SHC3: variants seen among roughly 807,000 people sequenced by gnomAD.
The protein encoded by SHC3 is SHC adaptor protein 3, also known as SHC-transforming protein 3.
In SHC3, 15 loss-of-function variants were observed where a neutral mutation model predicts 60.4. The observed-to-expected ratio is 0.25, with a 90% CI of 0.17 to 0.38. The LOEUF is 0.38. Among genes scored for constraint, SHC3 ranks in the 10% least tolerant of loss-of-function variants. The pLI is 1.00. For missense variants in SHC3, 677 were observed against 786.1 expected (o/e 0.86, Z 1.66); for synonymous variants, 294 against 325.9 (o/e 0.90, Z 1.05).
At chr9:89,066,258 C>A (rs1285502431) in intron 5 of SHC3, among the ~76,000 whole-genome samples, 1 of 152,190 alleles carries the variant, frequency 6.6e-6, no homozygotes, top group Non-Finnish European at 1.5e-5. Flanking sequence ...CTCTGGGGGC[C>A]ACACTTTGAG....
intron 4 of SHC3, 137 bp from the exon 5 acceptor site, chr9:89,071,389 T>A: frequency 1.3e-6 from 1 of 793,678 alleles, no homozygotes; most frequent in Non-Finnish European, 2.0e-6. Context: ...ATAATGATTA[T>A]AAAAGTAATA....
At chr9:89,153,200 C>A (rs1826568837) in intron 1 of SHC3, among the ~76,000 whole-genome samples, 1 of 152,178 alleles carries the variant, frequency 6.6e-6, no homozygotes, top group Non-Finnish European at 1.5e-5. Flanking sequence ...CTAACACTCA[C>A]CTTTTCCTAG....
intron 1 of SHC3, among the ~76,000 whole-genome samples, chr9:89,149,056 G>A (rs1452229695): frequency 6.6e-6 from 1 of 152,186 alleles, no homozygotes; most frequent in Non-Finnish European, 1.5e-5. Flanking sequence ...CTGAAGAATG[G>A]AATATGGTGA....
chr9:89,124,327 C>A (rs996781828), intron 1 of SHC3, among the ~76,000 whole-genome samples: 1 of 152,138 alleles, frequency 6.6e-6, no homozygotes, highest in Non-Finnish European at 1.5e-5. Flanking sequence ...ACCCAGCAAT[C>A]CCATTACTGA....
chr9:89,122,604 A>G (rs1826106967), intron 1 of SHC3, among the ~76,000 whole-genome samples: 1 of 152,252 alleles, frequency 6.6e-6, no homozygotes, highest in Non-Finnish European at 1.5e-5. Context: ...ATGCAAACTT[A>G]GATTCTCCAA....
chr9:89,024,223 C>A (rs141534551), intron 11 of SHC3, among the ~76,000 whole-genome samples: 20 of 152,320 alleles, frequency 1.3e-4, no homozygotes, highest in African/African-American at 4.8e-4. Flanking sequence ...AGCCCTTTCT[C>A]TCCTGGGTGC....
intron 1 of SHC3, among the ~76,000 whole-genome samples, chr9:89,162,651 C>T (rs1255322660): frequency 1.3e-5 from 2 of 151,056 alleles, no homozygotes; most frequent in African/African-American, 4.9e-5. Flanking sequence ...TAGAAGAAAA[C>T]CTAGGCATTA....
chr9:89,059,089 G>A, intron 6 of SHC3, among the ~76,000 whole-genome samples: 1 of 143,704 alleles, frequency 7.0e-6, no homozygotes, highest in Non-Finnish European at 1.5e-5. Flanking sequence ...ACGTGATGGA[G>A]GATGGTGGTG....
intron 2 of SHC3, among the ~76,000 whole-genome samples, chr9:89,105,256 C>T (rs1444845145): frequency 2.0e-5 from 3 of 152,194 alleles, no homozygotes; most frequent in South Asian, 4.1e-4. Flanking sequence ...AGTATAACTG[C>T]TACTCCTGAC....
At chr9:89,051,264 T>A (rs1824857370) in intron 7 of SHC3, among the ~76,000 whole-genome samples, 1 of 152,216 alleles carries the variant, frequency 6.6e-6, no homozygotes, top group Non-Finnish European at 1.5e-5. Flanking sequence ...TAGATTTTCA[T>A]TATGCAAGTT....
At chr9:89,043,620 C>G (rs978193509) in intron 9 of SHC3, among the ~76,000 whole-genome samples, 1 of 151,378 alleles carries the variant, frequency 6.6e-6, no homozygotes, top group African/African-American at 2.4e-5. Context: ...AAGTGACATT[C>G]TAATTTGTTA....
intron 2 of SHC3, among the ~76,000 whole-genome samples, chr9:89,094,823 C>T (rs967993510): frequency 2.6e-5 from 4 of 151,994 alleles, no homozygotes; most frequent in Non-Finnish European, 4.4e-5. Flanking sequence ...ACTTGCATGC[C>T]CAGGGACTTT....
At chr9:89,134,162 T>C (rs1445824326) in intron 1 of SHC3, among the ~76,000 whole-genome samples, 1 of 152,064 alleles carries the variant, frequency 6.6e-6, no homozygotes, top group Non-Finnish European at 1.5e-5. Context: ...AGTTCTACAA[T>C]ATGCAAGGAG....
intron 11 of SHC3, among the ~76,000 whole-genome samples, chr9:89,017,952 C>T (rs1304253406): frequency 1.3e-5 from 2 of 152,122 alleles, no homozygotes; most frequent in African/African-American, 2.4e-5. Context: ...TACTATCTCA[C>T]GCCAGTTAGA....
At chr9:89,098,921 G>A (rs111534187) in intron 2 of SHC3, among the ~76,000 whole-genome samples, 10,102 of 152,150 alleles carry the variant, frequency 0.066, 465 homozygotes, top group Middle Eastern at 0.12. Flanking sequence ...GCAGTGAGCC[G>A]ACATTGTGCC....
At chr9:89,088,732 G>C (rs781006532) in intron 2 of SHC3, 1 of 152,412 alleles carries the variant, frequency 6.6e-6, no homozygotes, top group Non-Finnish European at 1.5e-5. Flanking sequence ...ACCAGAGGGA[G>C]AGGGGCCTGC....
At chr9:89,158,678 C>T (rs777735792) in intron 1 of SHC3, among the ~76,000 whole-genome samples, 2 of 152,180 alleles carry the variant, frequency 1.3e-5, no homozygotes, top group African/African-American at 2.4e-5. Flanking sequence ...TATATACATG[C>T]TTTCTTGTGA....
At chr9:89,104,208 G>A (rs1054794299) in intron 2 of SHC3, among the ~76,000 whole-genome samples, 6 of 152,138 alleles carry the variant, frequency 3.9e-5, no homozygotes, top group Admixed American at 3.9e-4. Context: ...CAAAGCTGTG[G>A]TTTCATAGAT....
In SHC3 at chr9:89,165,384, C is replaced by T. The variant is rs547343938; in HGVS notation, c.474+12603G>A. Among the ~76,000 whole-genome samples the T allele has an allele frequency of 7.2e-5, 11 of 152,116 alleles. 1 individual carries two copies. In the South Asian group the frequency reaches 2.3e-3, roughly 32 times the overall value. On this transcript the variant is annotated intron_variant, in intron 1 of 11. Transcript: ENST00000375835. ...TGTCAGGAAGAGAACTGAGAGGAAACTTTCACTTTTCACCCCAAACATTTG... is the reference window on the plus strand; with the variant it reads ...TGTCAGGAAGAGAACTGAGAGGAAATTTTCACTTTTCACCCCAAACATTTG...
Sources: allele counts gnomAD v4.1 joint callset (sites outside exome capture counted in the v4.1 genomes callset), GRCh38; gene constraint gnomAD v4.1.1; transcripts MANE v1.5; gene names NCBI Gene and HGNC (gene_info 2026-07-23, HGNC 2026-07-21).